Variants in PYGO1 observed in about 807,000 individuals in gnomAD.
The protein encoded by PYGO1 is pygopus family PHD finger 1.
PYGO1 carries 6 observed loss-of-function variants against 29.5 expected under a neutral mutation model. The ratio of observed to expected loss-of-function variants is 0.20; its 90% CI spans 0.11 to 0.40. The LOEUF is 0.40. Among genes scored for constraint, PYGO1 ranks in the 10% least tolerant of loss-of-function variants. PYGO1 has a pLI of 1.00. For missense variants in PYGO1, 515 were observed against 514.9 expected, an observed-to-expected ratio of 1.00 and a Z score of 0.00; for synonymous variants, 186 against 180.5, an observed-to-expected ratio of 1.03 and a Z score of -0.24.
rs1301342334 is a variant in PYGO1 at position 55,545,162 on chromosome 15, T to TA, written c.*860dup. ...ATGTTTCTACCTTCCTCATCTGCAATATGTCCCAGTTCAAAATTATAAAAA... is the reference window on the plus strand; with the variant it reads ...ATGTTTCTACCTTCCTCATCTGCAATAATGTCCCAGTTCAAAATTATAAAAA... On this transcript the variant is annotated 3_prime_UTR_variant, in exon 3 of 3. Coordinates refer to ENST00000563719, the MANE Select transcript of PYGO1 (RefSeq NM_001367806.1). 6.6e-6 allele frequency: 1 copy of TA among 152,198 alleles called. No homozygotes were observed. Among genetic ancestry groups the TA allele is most frequent in the Non-Finnish European group, 1.5e-5 (1 of 68,034 alleles). 9.4% of individuals were successfully genotyped at this position (152,198 alleles called of 1,614,324 possible).
chr15:55,586,401 T>C (rs2059046584), intron 1 of PYGO1, among the ~76,000 whole-genome samples: 1 of 152,214 alleles, frequency 6.6e-6, no homozygotes, highest in African/African-American at 2.4e-5. Context: ...CAAAGTCTTT[T>C]AAATGGCACA....
intron 1 of PYGO1, among the ~76,000 whole-genome samples, chr15:55,552,066 A>G (rs1393027599): frequency 6.6e-6 from 1 of 152,116 alleles, no homozygotes. Context: ...GATTAGAAGC[A>G]GCTGTGGGCC....
At chr15:55,581,448 T>A (rs1455282889) in intron 1 of PYGO1, among the ~76,000 whole-genome samples, 1 of 152,170 alleles carries the variant, frequency 6.6e-6, no homozygotes, top group Non-Finnish European at 1.5e-5. Context: ...AAAGTTTGAT[T>A]TTTACTCTAA....
At chr15:55,588,836 G>C, upstream of PYGO1, 2 of 1,614,062 alleles carry the variant, frequency 1.2e-6, no homozygotes, top group Non-Finnish European at 8.5e-7. Flanking sequence ...GGGAGCTGGA[G>C]AGTTCTCGGC....
chr15:55,557,220 C>A (rs1002985166), intron 1 of PYGO1, among the ~76,000 whole-genome samples: 6 of 152,104 alleles, frequency 3.9e-5, no homozygotes, highest in East Asian at 1.9e-4. Flanking sequence ...AACACGTCTA[C>A]GCAAATAAAC....
chr15:55,559,313 T>C (rs1347497906), intron 1 of PYGO1, among the ~76,000 whole-genome samples: 2 of 151,952 alleles, frequency 1.3e-5, no homozygotes, highest in Admixed American at 1.3e-4. Context: ...TGGCGATCAT[T>C]AAAAAGTCAG....
intron 1 of PYGO1, among the ~76,000 whole-genome samples, chr15:55,558,508 A>C (rs940812359): frequency 9.2e-5 from 14 of 152,204 alleles, no homozygotes; most frequent in Non-Finnish European, 1.5e-5. Context: ...TTTAAAGTTC[A>C]TATGGAACCA....
rs60796044 is a variant in PYGO1, at chr15:55,548,707, TAAAAAAAAAAAAAAAAAA to T, written c.135+185_135+202del. Reference sequence around the variant, plus strand: ...TCTGGCAACAGAGCAAGAATCCACCTAAAAAAAAAAAAAAAAAAAAAAAAAAAAAAAAAAAAAAAAAAG... The same window carrying T: ...TCTGGCAACAGAGCAAGAATCCACCTAAAAAAAAAAAAAAAAAAAAAAAAG... On this transcript the variant is annotated intron_variant, in intron 2 of 2. Transcript: ENST00000563719. Among the ~76,000 whole-genome samples, 219 of 55,426 alleles carry T rather than the reference TAAAAAAAAAAAAAAAAAA, an allele frequency of 4.0e-3. 1 individual carries two copies. Among genetic ancestry groups the T allele is most frequent in the South Asian group, 0.019 (22 of 1,162 alleles). The allele number at this position is 55,426 out of a possible 152,430, so 36.4% of individuals were successfully genotyped here. A position where few individuals can be genotyped will look rare whatever the true frequency, so the allele number is the denominator to read the frequency against.
intron 1 of PYGO1, among the ~76,000 whole-genome samples, chr15:55,587,573 G>A (rs911849074): frequency 2.6e-5 from 4 of 151,882 alleles, no homozygotes; most frequent in Admixed American, 2.6e-4. Context: ...GGTGAGGAGG[G>A]GGTAAGAAAG....
intron 1 of PYGO1, among the ~76,000 whole-genome samples, chr15:55,561,359 T>C (rs1260459037): frequency 6.6e-6 from 1 of 152,186 alleles, no homozygotes; most frequent in Non-Finnish European, 1.5e-5. Context: ...CCTGAGATGG[T>C]AATTTATAAA....
intron 1 of PYGO1, among the ~76,000 whole-genome samples, chr15:55,575,930 T>G (rs1421008143): frequency 1.3e-5 from 2 of 152,224 alleles, no homozygotes; most frequent in African/African-American, 4.8e-5. Flanking sequence ...CAATCCTTTG[T>G]TCCACAGCCT....
chr15:55,562,934 G>A (rs1435498074), intron 1 of PYGO1, among the ~76,000 whole-genome samples: 3 of 152,004 alleles, frequency 2.0e-5, no homozygotes, highest in Admixed American at 6.6e-5. Context: ...ACAAGTGGGA[G>A]CTGAACAATG....
At chr15:55,569,213 A>T (rs1944129749) in intron 1 of PYGO1, among the ~76,000 whole-genome samples, 1 of 151,826 alleles carries the variant, frequency 6.6e-6, no homozygotes, top group African/African-American at 2.4e-5. Context: ...TTCAGCTATA[A>T]ATTCATTTGA....
chr15:55,554,492 AAG>A (rs2058894879), intron 1 of PYGO1, among the ~76,000 whole-genome samples: 1 of 129,456 alleles, frequency 7.7e-6, no homozygotes, highest in African/African-American at 3.0e-5. Flanking sequence ...AAAAAAAAAA[AAG>A]AAAGAAAGAA....
In PYGO1 at chr15:55,540,194, G is replaced by A. The variant is rs1350252218; in HGVS notation, c.*5829C>T. 6.6e-6 allele frequency: 1 copy of A among 151,990 alleles called. No individual in the cohort carries two copies. Among genetic ancestry groups the A allele is most frequent in the Admixed American group, 6.6e-5 (1 of 15,264 alleles). The allele number at this position is 151,990 out of a possible 1,614,324, so 9.4% of individuals were successfully genotyped here. A position where few individuals can be genotyped will look rare whatever the true frequency, so the allele number is the denominator to read the frequency against. On this transcript the variant is annotated 3_prime_UTR_variant, in exon 3 of 3. Coordinates refer to ENST00000563719, the MANE Select transcript of PYGO1 (RefSeq NM_001367806.1). ...TATTACCAAATCCTTTCATTAGGTA[G>A]TACCAAGTAAACAGCATTCAAGTCC...
At chr15:55,561,150 C>A (rs759730486) in intron 1 of PYGO1, among the ~76,000 whole-genome samples, 11 of 152,000 alleles carry the variant, frequency 7.2e-5, no homozygotes, top group Non-Finnish European at 1.5e-4. Flanking sequence ...TACAGAACAA[C>A]GAAACAGAAG....
At chr15:55,562,195 C>T (rs1381905349) in intron 1 of PYGO1, among the ~76,000 whole-genome samples, 2 of 152,160 alleles carry the variant, frequency 1.3e-5, no homozygotes, top group East Asian at 3.9e-4. Context: ...ACAACAGATG[C>T]TGGCAAGGTT....
Position 55,544,962 on chromosome 15 carries a change from G to A in PYGO1, c.*1061C>T, listed in dbSNP as rs2058843237. 1 of 152,060 alleles carries A rather than the reference G, an allele frequency of 6.6e-6. No individual in the cohort carries two copies. The highest frequency in any genetic ancestry group is 1.5e-5 in the Non-Finnish European group (1 of 68,016). The allele number at this position is 152,060 out of a possible 1,614,324, so 9.4% of individuals were successfully genotyped here. Reference sequence around the variant, plus strand: ...GGGAATTCCTTAAGTCTGCTGCAAGGCTTCAAATTGTTGTTTGCAAGTTAG... The same window carrying A: ...GGGAATTCCTTAAGTCTGCTGCAAGACTTCAAATTGTTGTTTGCAAGTTAG... On this transcript the variant is annotated 3_prime_UTR_variant, in exon 3 of 3. Transcript: ENST00000563719.
Position 55,588,304 on chromosome 15 carries a change from AG to A in PYGO1, c.-422del, listed in dbSNP as rs2059059235. ...GGCGGCACACTCACAGCGCCCTCTG[AG>A]GAGGAGGTCTGCTCTCTCGCCGCTC... On this transcript the variant is annotated 5_prime_UTR_variant, in exon 1 of 3. Coordinates refer to ENST00000563719, the MANE Select transcript of PYGO1 (RefSeq NM_001367806.1). Among the ~76,000 whole-genome samples, 1 of 148,444 alleles carries A rather than the reference AG, an allele frequency of 6.7e-6. No individual in the cohort carries two copies. Among genetic ancestry groups the A allele is most frequent in the African/African-American group, 2.4e-5 (1 of 41,034 alleles).
Sources: gnomAD v4.1 joint callset for allele counts (sites outside exome capture counted in the v4.1 genomes callset) on GRCh38, gnomAD v4.1.1 for gene constraint, MANE v1.5 for transcripts, NCBI Gene and HGNC (gene_info 2026-07-23, HGNC 2026-07-21) for gene names.